GABRB3: variants seen among roughly 807,000 people sequenced by gnomAD.
The protein encoded by GABRB3 is gamma-aminobutyric acid receptor subunit beta-3.
Under a neutral mutation model 52.1 loss-of-function variants are expected in GABRB3, and 14 were observed. That is an observed-to-expected ratio of 0.27 (90% confidence interval 0.18 to 0.42). The LOEUF is 0.42. Among genes scored for constraint, GABRB3 ranks in the 10% least tolerant of loss-of-function variants. The pLI is 1.00. For missense variants in GABRB3, 307 were observed against 609.1 expected (o/e 0.50, Z 5.22); for synonymous variants, 260 against 232.3 (o/e 1.12, Z -1.08).
chr15:26,544,540 G>A lies in GABRB3; in HGVS notation c.*3253C>T, dbSNP rs899371006. On this transcript the variant is annotated 3_prime_UTR_variant, in exon 9 of 9. Coordinates refer to ENST00000311550, the MANE Select transcript of GABRB3 (RefSeq NM_000814.6). ...ACTTTCTAGTTCGTTTGAGATTCAGGGGAAATGGATGTCGCATGGTATAGA... is the reference window on the plus strand; with the variant it reads ...ACTTTCTAGTTCGTTTGAGATTCAGAGGAAATGGATGTCGCATGGTATAGA... 5 of 152,168 alleles carry A rather than the reference G, an allele frequency of 3.3e-5. No homozygotes were observed. The highest frequency in any genetic ancestry group is 6.5e-5 in the Admixed American group (1 of 15,276). The allele number at this position is 152,168 out of a possible 1,614,324, so 9.4% of individuals were successfully genotyped here. A position where few individuals can be genotyped will look rare whatever the true frequency, so the allele number is the denominator to read the frequency against.
chr15:26,588,406 ATTG>A lies in GABRB3; in HGVS notation c.462-4995_462-4993del, dbSNP rs1211431936. Among the ~76,000 whole-genome samples, 4 of 152,332 alleles carry A rather than the reference ATTG, an allele frequency of 2.6e-5. No individual in the cohort carries two copies. The East Asian group carries it at 7.7e-4, about 29-fold the overall frequency. ...CTCACAACAACCATATTATAGAGGT[ATTG>A]TTATTATTATATCCATTGTGCAGAT... On this transcript the variant is annotated intron_variant, in intron 4 of 8. Transcript: ENST00000311550.
intron 3 of GABRB3, among the ~76,000 whole-genome samples, chr15:26,660,757 A>C (rs1032581652): frequency 3.3e-5 from 5 of 152,212 alleles, no homozygotes; most frequent in African/African-American, 1.2e-4. Context: ...TACACCACAA[A>C]GATCTGTTAC....
At chr15:26,644,642 C>A (rs113588598) in intron 3 of GABRB3, among the ~76,000 whole-genome samples, 2,811 of 152,310 alleles carry the variant, frequency 0.018, 80 homozygotes, top group African/African-American at 0.06. Flanking sequence ...TTGTTGAAGA[C>A]CACGGTCTGT....
intron 3 of GABRB3, among the ~76,000 whole-genome samples, chr15:26,655,081 A>G (rs1357833465): frequency 6.6e-6 from 1 of 151,970 alleles, no homozygotes; most frequent in Admixed American, 6.6e-5. Context: ...AGCAAACAAA[A>G]CCCTCACTAT....
At chr15:26,637,136 A>G (rs1163422005) in intron 3 of GABRB3, among the ~76,000 whole-genome samples, 1 of 152,110 alleles carries the variant, frequency 6.6e-6, no homozygotes, top group Non-Finnish European at 1.5e-5. Context: ...CTTACCTCTC[A>G]TTATTGTCAC....
intron 3 of GABRB3, among the ~76,000 whole-genome samples, chr15:26,623,766 A>C (rs1202619490): frequency 6.6e-6 from 1 of 151,994 alleles, no homozygotes; most frequent in Non-Finnish European, 1.5e-5. Context: ...TAAACCAGCC[A>C]ATTCTGAGCC....
intron 7 of GABRB3, among the ~76,000 whole-genome samples, chr15:26,564,182 T>G (rs1890083314): frequency 6.6e-6 from 1 of 152,108 alleles, no homozygotes; most frequent in African/African-American, 2.4e-5. Context: ...ATGCTCAAAC[T>G]AAGTATAATG....
At chr15:26,624,158 G>A (rs1475620603) in intron 3 of GABRB3, 1 of 975,722 alleles carries the variant, frequency 1.0e-6, no homozygotes, top group Non-Finnish European at 1.2e-6. Context: ...AGAACATCAG[G>A]ATGAGAATGC....
intron 8 of GABRB3, among the ~76,000 whole-genome samples, chr15:26,557,124 A>G (rs1241346986): frequency 6.6e-6 from 1 of 152,240 alleles, no homozygotes; most frequent in African/African-American, 2.4e-5. Flanking sequence ...GTCCTCTGCA[A>G]CAACATGGAT....
chr15:26,554,768 G>A (rs1297350449), intron 8 of GABRB3, among the ~76,000 whole-genome samples: 1 of 152,202 alleles, frequency 6.6e-6, no homozygotes, highest in Non-Finnish European at 1.5e-5. Context: ...TGAGTGATCT[G>A]CCATTTTCAC....
At chr15:26,670,445 G>T (rs1196239899) in intron 3 of GABRB3, among the ~76,000 whole-genome samples, 2 of 152,174 alleles carry the variant, frequency 1.3e-5, no homozygotes, top group Non-Finnish European at 2.9e-5. Context: ...CGGGAGGCTG[G>T]GCGCAGAGGT....
chr15:26,752,234 TTTA>T (rs1890530133), intron 3 of GABRB3, among the ~76,000 whole-genome samples: 2 of 69,118 alleles, frequency 2.9e-5, no homozygotes, highest in Non-Finnish European at 5.2e-5. Context: ...CTTTATTTTA[TTTA>T]TTTATTTATT....
At chr15:26,596,731 T>C (rs1249035871) in intron 4 of GABRB3, among the ~76,000 whole-genome samples, 2 of 152,228 alleles carry the variant, frequency 1.3e-5, no homozygotes, top group Non-Finnish European at 2.9e-5. Flanking sequence ...TCTGTTACTA[T>C]ATTTAAAAGA....
intron 6 of GABRB3, among the ~76,000 whole-genome samples, chr15:26,575,593 T>A (rs771807795): frequency 1.3e-5 from 2 of 152,220 alleles, no homozygotes; most frequent in African/African-American, 2.4e-5. Flanking sequence ...GACTAAAGCC[T>A]GGAGTTCACA....
At chr15:26,549,751 G>A (rs1889389194) in intron 8 of GABRB3, among the ~76,000 whole-genome samples, 1 of 152,040 alleles carries the variant, frequency 6.6e-6, no homozygotes, top group Non-Finnish European at 1.5e-5. Flanking sequence ...GCCCATGGCA[G>A]GATGCAGTCA....
chr15:26,758,290 G>A (rs1333623512), intron 3 of GABRB3, among the ~76,000 whole-genome samples: 2 of 152,186 alleles, frequency 1.3e-5, no homozygotes, highest in African/African-American at 4.8e-5. Context: ...CTTGGGCAAA[G>A]GTTGCCATAT....
At chr15:26,724,049 C>T (rs559095135) in intron 3 of GABRB3, among the ~76,000 whole-genome samples, 4 of 152,296 alleles carry the variant, frequency 2.6e-5, no homozygotes, top group East Asian at 1.9e-4. Context: ...CTACAGTCCA[C>T]GTGTACATCA....
At chr15:26,660,000 G>A (rs1190012578) in intron 3 of GABRB3, among the ~76,000 whole-genome samples, 1 of 152,154 alleles carries the variant, frequency 6.6e-6, no homozygotes, top group Non-Finnish European at 1.5e-5. Context: ...GGGAGGCCGA[G>A]GCGGGTGGAT....
At chr15:26,680,526 T>C (rs1888206931) in intron 3 of GABRB3, among the ~76,000 whole-genome samples, 1 of 80,980 alleles carries the variant, frequency 1.2e-5, no homozygotes, top group Non-Finnish European at 2.9e-5. Flanking sequence ...TAGCCAAAAA[T>C]GACACATGGG....
Sources: allele counts gnomAD v4.1 joint callset (sites outside exome capture counted in the v4.1 genomes callset), GRCh38; gene constraint gnomAD v4.1.1; transcripts MANE v1.5; gene names NCBI Gene and HGNC (gene_info 2026-07-23, HGNC 2026-07-21).